The following ITGB3BP variants were observed in gnomAD, a reference collection of about 807,000 sequenced individuals.
The protein encoded by ITGB3BP is centromere protein R.
Under a neutral mutation model 29.1 loss-of-function variants are expected in ITGB3BP, and 27 were observed. That is an observed-to-expected ratio of 0.93 (90% CI 0.68 to 1.28). The LOEUF (loss-of-function observed/expected upper bound fraction) is 1.28. Among genes scored for constraint, ITGB3BP ranks in the 50% most tolerant of loss-of-function variants. ITGB3BP has a pLI of 0.00. For synonymous variants in ITGB3BP, 61 were observed against 61.4 expected (o/e 0.99, Z 0.03); for missense variants, 192 against 200.2 (o/e 0.96, Z 0.25).
At chr1:63,453,398 T>C (rs1315762744) in intron 7 of ITGB3BP, among the ~76,000 whole-genome samples, 1 of 152,188 alleles carries the variant, frequency 6.6e-6, no homozygotes, top group Non-Finnish European at 1.5e-5. Flanking sequence ...ACTTTGCTTA[T>C]TGAGGTGTGA....
At chr1:63,462,781 G>A (rs533407935) in intron 4 of ITGB3BP, among the ~76,000 whole-genome samples, 1 of 152,244 alleles carries the variant, frequency 6.6e-6, no homozygotes, top group South Asian at 2.1e-4. Flanking sequence ...ACCAGTGGTT[G>A]TCACAATTAA....
intron 2 of ITGB3BP, among the ~76,000 whole-genome samples, chr1:63,504,621 CCATT>C (rs1646026461): frequency 1.3e-5 from 2 of 152,078 alleles, no homozygotes; most frequent in Non-Finnish European, 1.5e-5. Context: ...CAGTTTTTGC[CCATT>C]CAGTGTGATA....
intron 4 of ITGB3BP, among the ~76,000 whole-genome samples, chr1:63,473,577 T>G (rs1570188826): frequency 1.4e-4 from 13 of 95,030 alleles, no homozygotes; most frequent in Non-Finnish European, 2.1e-4. Flanking sequence ...GGAGGGGGGG[T>G]CAGCCCCCTG....
At position 63,492,189 on chromosome 1, in the gene ITGB3BP, CTGTGTGTG is replaced by C. The variant is rs10610086; in HGVS notation, c.49-1979_49-1972del. Among the ~76,000 whole-genome samples, 910 of 149,068 alleles carry C rather than the reference CTGTGTGTG, an allele frequency of 6.1e-3. 5 individuals are homozygous for C. The highest frequency in any genetic ancestry group is 9.7e-3 in the Non-Finnish European group (649 of 67,224). On this transcript the variant is annotated intron_variant, in intron 2 of 8. Coordinates refer to ENST00000271002, the MANE Select transcript of ITGB3BP (RefSeq NM_014288.5). ...ATAACTCTGTGAGTGTGCATGTGCT[CTGTGTGTG>C]TGTGTGTGTGTGTGTGTGTGTGTGT...
At chr1:63,482,314 A>G (rs1260649874) in intron 3 of ITGB3BP, among the ~76,000 whole-genome samples, 1 of 150,532 alleles carries the variant, frequency 6.6e-6, no homozygotes, top group Non-Finnish European at 1.5e-5. Context: ...AAGCCCAAAC[A>G]GGTTTAGGCT....
Position 63,473,411 on chromosome 1 carries a change from C to T in ITGB3BP, c.254+5353G>A, listed in dbSNP as rs1331478461. On this transcript the variant is annotated intron_variant, in intron 4 of 8. Transcript: ENST00000271002. ...GAGGTGAGGGGCTCCTCTGCCCGGC[C>T]GCCCCTACTGGGAAGTGAGGAGCCC... Among the ~76,000 whole-genome samples, 10 of 142,786 alleles carry T rather than the reference C, an allele frequency of 7.0e-5. No individual in the cohort carries two copies. In the South Asian group the frequency reaches 1.5e-3, roughly 22 times the overall value. 93.7% of individuals were successfully genotyped at this position (142,786 alleles called of 152,430 possible).
intron 3 of ITGB3BP, among the ~76,000 whole-genome samples, chr1:63,485,364 T>TA (rs1175058855): frequency 6.6e-6 from 1 of 151,964 alleles, no homozygotes; most frequent in Admixed American, 6.6e-5. Context: ...TAAAACATCG[T>TA]AACTCTTATC....
chr1:63,522,963 A>T (rs1305350034), intron 1 of ITGB3BP, 166 bp downstream of exon 1: 4 of 814,852 alleles, frequency 4.9e-6, no homozygotes, highest in African/African-American at 3.3e-5. Flanking sequence ...CCGCTGGAGG[A>T]GACGTAGAGT....
At chr1:63,523,891 G>A (rs1483503199), upstream of ITGB3BP, among the ~76,000 whole-genome samples, 1 of 152,102 alleles carries the variant, frequency 6.6e-6, no homozygotes, top group Non-Finnish European at 1.5e-5. Context: ...TGGCCCTGTA[G>A]AAGCCTTAGG....
intron 2 of ITGB3BP, among the ~76,000 whole-genome samples, chr1:63,493,080 ACACACACACG>A (rs956708318): frequency 6.2e-5 from 9 of 144,014 alleles, no homozygotes; most frequent in Middle Eastern, 7.2e-3. Flanking sequence ...CCACACACAC[ACACACACACG>A]CGCGCGCGCG....
chr1:63,478,815 T>G lies in ITGB3BP; in HGVS notation c.203A>C (p.Asn68Thr), dbSNP rs753609823. 5.8e-6 allele frequency: 8 copies of G among 1,388,270 alleles called. No homozygotes were observed. The highest frequency in any genetic ancestry group is 3.6e-4 in the Middle Eastern group (2 of 5,554). The allele number at this position is 1,388,270 out of a possible 1,614,324, so 86.0% of individuals were successfully genotyped here. The change falls in exon 4 of 9, where the codon AAT becomes ACT. Residue 68 changes from asparagine to threonine, a missense_variant. Transcript: ENST00000271002. ...TTTGCTTTCAGTTAAACTGGGGTGA[T>G]TCAATTTTTTTCTCTTTTCTATATA... Reference protein sequence around the residue: ...GLSNEKRKKLNHPSLTESKES... With the variant: ...GLSNEKRKKLTHPSLTESKES...
At chr1:63,447,118 A>G (rs1266616304) in intron 7 of ITGB3BP, 1 of 427,868 alleles carries the variant, frequency 2.3e-6, no homozygotes, top group Non-Finnish European at 4.3e-6. Flanking sequence ...TACCATTGTT[A>G]GTACACTCTT....
At chr1:63,473,345 GC>G (rs1645246822) in intron 4 of ITGB3BP, among the ~76,000 whole-genome samples, 1 of 149,330 alleles carries the variant, frequency 6.7e-6, no homozygotes, top group Non-Finnish European at 1.5e-5. Flanking sequence ...GAGGGAGGTG[GC>G]GGGGGGTCAG....
At chr1:63,463,029 G>T (rs1645041466) in intron 4 of ITGB3BP, among the ~76,000 whole-genome samples, 1 of 152,014 alleles carries the variant, frequency 6.6e-6, no homozygotes, top group African/African-American at 2.4e-5. Context: ...TGAGGTGGGT[G>T]GATCACCTGA....
At chr1:63,518,865 A>G (rs1003910536) in intron 1 of ITGB3BP, among the ~76,000 whole-genome samples, 2 of 152,072 alleles carry the variant, frequency 1.3e-5, no homozygotes, top group African/African-American at 4.8e-5. Context: ...TTTTTTAGGT[A>G]TGCCTCTCTG....
chr1:63,471,726 G>C (rs2100583063), intron 4 of ITGB3BP, among the ~76,000 whole-genome samples: 1 of 152,220 alleles, frequency 6.6e-6, no homozygotes, highest in Non-Finnish European at 1.5e-5. Context: ...GCTAAATGAA[G>C]GTATCTGTTA....
At chr1:63,511,408 T>C (rs907764125) in intron 1 of ITGB3BP, among the ~76,000 whole-genome samples, 1 of 152,082 alleles carries the variant, frequency 6.6e-6, no homozygotes, top group East Asian at 1.9e-4. Context: ...GAATTAAAAA[T>C]AGAATTACCA....
chr1:63,481,735 T>C (rs780857100), intron 3 of ITGB3BP, among the ~76,000 whole-genome samples: 4 of 152,244 alleles, frequency 2.6e-5, no homozygotes, highest in Non-Finnish European at 4.4e-5. Flanking sequence ...CAATCAATAG[T>C]GATGACAACG....
At chr1:63,518,042 A>G (rs1380665761) in intron 1 of ITGB3BP, among the ~76,000 whole-genome samples, 2 of 152,090 alleles carry the variant, frequency 1.3e-5, no homozygotes, top group Admixed American at 6.5e-5. Flanking sequence ...CCTTTTTAAC[A>G]CTATGGGTGT....
Sources: gnomAD v4.1 joint callset for allele counts (sites outside exome capture counted in the v4.1 genomes callset) on GRCh38, gnomAD v4.1.1 for gene constraint, MANE v1.5 for transcripts, NCBI Gene and HGNC (gene_info 2026-07-23, HGNC 2026-07-21) for gene names.